Variants in SSR4 observed in about 807,000 individuals in gnomAD.
The protein encoded by SSR4 is signal sequence receptor subunit 4, also known as translocon-associated protein subunit delta.
For synonymous variants in SSR4, 84 were observed against 65.6 expected (o/e 1.28, Z -1.35); for missense variants, 125 against 148.8 (o/e 0.84, Z 0.83).
chrX:153,794,413 C>A (rs1018300922), upstream of SSR4: 79 of 1,138,759 alleles, frequency 6.9e-5, no homozygotes, highest in Middle Eastern at 2.4e-4. Context: ...CGGGGACAGG[C>A]GCGGACCCGG....
At chrX:153,794,656 C>A (rs782678482), upstream of SSR4, 2 of 1,211,590 alleles carry the variant, frequency 1.7e-6, no homozygotes, top group African/African-American at 3.4e-5. Context: ...CATGGGAGCT[C>A]GTTTTCTTTT....
intron 3 of SSR4, 81 bp downstream of exon 3, chrX:153,797,613 AGGG>A: frequency 8.9e-7 from 1 of 1,126,657 alleles, no homozygotes; most frequent in Non-Finnish European, 1.2e-6. Flanking sequence ...CCGGTCAACC[AGGG>A]CCAGGGGCCG....
chrX:153,798,000 T>TGGCCCCCC, intron 4 of SSR4, 71 bp from the exon 5 acceptor site: 1 of 704,005 alleles, frequency 1.4e-6, no homozygotes, highest in Non-Finnish European at 2.3e-6. Flanking sequence ...TACCTGTCTT[T>TGGCCCCCC]CCCCTCCCCT....
At position 153,798,485 on chromosome X, in the gene SSR4, T is replaced by C; in HGVS notation, c.*52T>C. 13 of 1,075,252 alleles carry C rather than the reference T, an allele frequency of 1.2e-5. No individual in the cohort carries two copies. Among genetic ancestry groups the C allele is most frequent in the Non-Finnish European group, 1.6e-5 (13 of 796,641 alleles). The allele number at this position is 1,075,252 out of a possible 1,213,427, so 88.6% of individuals were successfully genotyped here. On this transcript the variant is annotated 3_prime_UTR_variant, in exon 6 of 6. Coordinates refer to ENST00000370086, the MANE Select transcript of SSR4 (RefSeq NM_006280.3). ...TTCCTTCAATAAACATCACAGGACC[T>C]GGGACTGCACAGGACCTGGGGCTGC...
chrX:153,795,863 T>G (rs2092137148), intron 1 of SSR4: 12 of 751,740 alleles, frequency 1.6e-5, no homozygotes, highest in Admixed American at 8.5e-5. Flanking sequence ...TAAGGCAAGG[T>G]CCTTTCTCTC....
chrX:153,796,595 C>T (rs1557072578), intron 2 of SSR4, 43 bp downstream of exon 2: 6 of 939,134 alleles, frequency 6.4e-6, no homozygotes, highest in African/African-American at 3.9e-5. Context: ...GTGGGGGGTG[C>T]TCCTCACTGC....
intron 2 of SSR4, 111 bp from the exon 3 acceptor site, chrX:153,797,347 C>A: frequency 1.6e-6 from 1 of 642,009 alleles, no homozygotes; most frequent in East Asian, 3.3e-5. Flanking sequence ...CACTGCAGCC[C>A]CCAACTGGGC....
At chrX:153,794,602 C>A, upstream of SSR4, 1 of 1,198,675 alleles carries the variant, frequency 8.3e-7, no homozygotes, top group African/African-American at 1.7e-5. Flanking sequence ...GATTGGCTGC[C>A]GCTGCCACTT....
rs2092129428 is a variant in SSR4, at chrX:153,794,813, G to A, written c.67+59G>A. On this transcript the variant is annotated intron_variant, in intron 1 of 5. Coordinates refer to ENST00000370086, the MANE Select transcript of SSR4 (RefSeq NM_006280.3). ...CCTCTGACCCACGGCAGGTGGTGTT[G>A]GGGGCAGGAGGGATGCGGGGGTCCG... 12 of 1,143,511 alleles carry A rather than the reference G, an allele frequency of 1.0e-5. No individual in the cohort carries two copies. The South Asian group carries it at 2.3e-4, about 22-fold the overall frequency. The allele number at this position is 1,143,511 out of a possible 1,213,427, so 94.2% of individuals were successfully genotyped here.
Position 153,798,062 on chromosome X carries a change from C to T in SSR4, c.352-9C>T, listed in dbSNP as rs2148451289. ...TGACCCCAGCACCTCCCTTGCACCT[C>T]CCTTGCAGGCTCAGAGGAATAACGA... On this transcript the variant is annotated splice_polypyrimidine_tract_variant and intron_variant, in intron 4 of 5. Transcript: ENST00000370086. The T allele has an allele frequency of 1.7e-6, 2 of 1,189,406 alleles. No individual in the cohort carries two copies. The highest frequency in any genetic ancestry group is 1.8e-5 in the South Asian group (1 of 56,446).
upstream of SSR4, chrX:153,794,191 C>T (rs1056089840): frequency 2.4e-5 from 27 of 1,120,239 alleles, no homozygotes; most frequent in Non-Finnish European, 3.1e-5. Context: ...GGTGCGGCTA[C>T]CCCACCGCTC....
chrX:153,794,974 C>T (rs1331658544), intron 1 of SSR4: 2 of 438,763 alleles, frequency 4.6e-6, no homozygotes, highest in East Asian at 7.8e-5. Context: ...AAGAGGAGTC[C>T]CCGAGCCTCC....
chrX:153,797,460 C>T lies in SSR4; in HGVS notation c.189C>T (p.Asn63=). The T allele has an allele frequency of 8.3e-7, 1 of 1,210,922 alleles. No homozygotes were observed. ...CCTGCCTTTGTTCCCTCACCCAGAA[C>T]ATGGCTCTCTATGCTGACGTCGGTG... The part of the protein sequence containing the change: ...ISLTCKNRVQ[N]MALYADVGGK... The change falls in exon 3 of 6, where the codon AAC becomes AAT. Residue 63 remains asparagine, a splice_region_variant and synonymous_variant. Coordinates refer to ENST00000370086, the MANE Select transcript of SSR4 (RefSeq NM_006280.3).
upstream of SSR4, chrX:153,794,269 C>T: frequency 8.3e-7 from 1 of 1,200,798 alleles, no homozygotes; most frequent in Non-Finnish European, 1.1e-6. Context: ...CAGAGAAGGG[C>T]TGGCCCGAGC....
intron 1 of SSR4, 71 bp downstream of exon 1, chrX:153,794,825 G>T: frequency 8.9e-7 from 1 of 1,121,585 alleles, no homozygotes; most frequent in Non-Finnish European, 1.2e-6. Context: ...GGGCAGGAGG[G>T]ATGCGGGGGT....
At chrX:153,797,186 A>G in intron 2 of SSR4, 1 of 373,782 alleles carries the variant, frequency 2.7e-6, no homozygotes, top group Non-Finnish European at 4.7e-6. Flanking sequence ...AGCCCTTTTG[A>G]TCATCCCGCC....
chrX:153,794,596 G>C (rs2092127183), upstream of SSR4: 1 of 1,195,192 alleles, frequency 8.4e-7, no homozygotes, highest in Admixed American at 2.3e-5. Flanking sequence ...GTGCGCGATT[G>C]GCTGCCGCTG....
intron 5 of SSR4, 62 bp downstream of exon 5, chrX:153,798,198 C>A: frequency 8.5e-7 from 1 of 1,181,772 alleles, no homozygotes. Context: ...TTATCCTCTC[C>A]ACAGCCCCAG....
upstream of SSR4, chrX:153,794,257 G>C: frequency 2.5e-6 from 3 of 1,195,512 alleles, no homozygotes; most frequent in Non-Finnish European, 3.4e-6. Context: ...TCCCAGGGAC[G>C]GCAGAGAAGG....
Sources: gnomAD v4.1 joint callset for allele counts on GRCh38, gnomAD v4.1.1 for gene constraint, MANE v1.5 for transcripts, NCBI Gene and HGNC (gene_info 2026-07-23, HGNC 2026-07-21) for gene names.